CUBN: variants seen among roughly 807,000 people sequenced by gnomAD.
CUBN encodes the protein cubilin.
Under a neutral mutation model 405.3 loss-of-function variants are expected in CUBN, and 282 were observed. The ratio of observed to expected loss-of-function variants is 0.70; its 90% CI spans 0.63 to 0.77. CUBN has a LOEUF of 0.77. CUBN is among the 30% of genes least tolerant of loss of function. The probability of loss-of-function intolerance (pLI) is 0.00; values close to 1 mark genes in which losing one functional copy is unlikely to be tolerated. For missense variants in CUBN, 4,514 were observed against 4,475.2 expected, an observed-to-expected ratio of 1.01 and a Z score of -0.25; for synonymous variants, 1,684 against 1,617.0, an observed-to-expected ratio of 1.04 and a Z score of -0.99.
At chr10:16,828,240 G>T (rs1177331218) in intron 66 of CUBN, among the ~76,000 whole-genome samples, 1 of 152,168 alleles carries the variant, frequency 6.6e-6, no homozygotes, top group Non-Finnish European at 1.5e-5. Flanking sequence ...GTGGGAACTG[G>T]AAGTCTAATG....
intron 24 of CUBN, among the ~76,000 whole-genome samples, chr10:17,045,396 G>A (rs907936023): frequency 4.1e-5 from 6 of 147,602 alleles, no homozygotes; most frequent in Non-Finnish European, 8.9e-5. Context: ...GTCTCACTGG[G>A]TCACTCAGGC....
At chr10:16,898,825 G>C (rs1841271278) in intron 54 of CUBN, among the ~76,000 whole-genome samples, 171 bp downstream of exon 54, 2 of 152,072 alleles carry the variant, frequency 1.3e-5, no homozygotes. Flanking sequence ...AAGTAAGAAA[G>C]AAAAGAAATT....
chr10:16,906,993 G>A (rs2131437249), intron 49 of CUBN, among the ~76,000 whole-genome samples: 1 of 152,134 alleles, frequency 6.6e-6, no homozygotes, highest in South Asian at 2.1e-4. Flanking sequence ...ACCCAATTCA[G>A]GAAATAGGAG....
intron 14 of CUBN, among the ~76,000 whole-genome samples, chr10:17,096,647 C>T (rs1836380870): frequency 6.6e-6 from 1 of 151,682 alleles, no homozygotes; most frequent in Admixed American, 6.6e-5. Flanking sequence ...CACTATTTAC[C>T]AACTTGACTA....
At chr10:16,934,285 A>G (rs1842438721) in intron 39 of CUBN, among the ~76,000 whole-genome samples, 1 of 152,188 alleles carries the variant, frequency 6.6e-6, no homozygotes, top group African/African-American at 2.4e-5. Context: ...GATTTTAACA[A>G]TTATTTTTGC....
At chr10:16,938,695 T>C (rs1842580927) in intron 38 of CUBN, among the ~76,000 whole-genome samples, 1 of 152,142 alleles carries the variant, frequency 6.6e-6, no homozygotes, top group Non-Finnish European at 1.5e-5. Context: ...TAAATACTTA[T>C]TTAGGACATA....
intron 10 of CUBN, among the ~76,000 whole-genome samples, chr10:17,107,009 G>C (rs1471753107): frequency 6.6e-6 from 1 of 152,166 alleles, no homozygotes; most frequent in Non-Finnish European, 1.5e-5. Flanking sequence ...TCATTGCCAA[G>C]GTACAAGGTT....
At position 16,947,254 on chromosome 10, in the gene CUBN, G is replaced by T. The variant is rs1276708; in HGVS notation, c.5323C>A (p.Arg1775=). The T allele has an allele frequency of 1.2e-6, 2 of 1,613,970 alleles. No homozygotes were observed. Among genetic ancestry groups the T allele is most frequent in the African/African-American group, 2.7e-5 (2 of 74,922 alleles). ...VWNIVSSPGN[R]LQLSFISFQL... ...ATTTACATAAAAGACAGCTGGAGCCGGTTGCCAGGGGAACTGACGATGTTC... is the reference window on the plus strand; with the variant it reads ...ATTTACATAAAAGACAGCTGGAGCCTGTTGCCAGGGGAACTGACGATGTTC... The change falls in exon 36 of 67, where the codon CGG becomes AGG. Residue 1775 remains arginine (R), a synonymous_variant. Transcript: ENST00000377833.
chr10:16,925,483 A>G lies in CUBN; in HGVS notation c.6463-59T>C, dbSNP rs570235733. On this transcript the variant is annotated intron_variant, in intron 42 of 66. Coordinates refer to ENST00000377833, the MANE Select transcript of CUBN (RefSeq NM_001081.4). ...TTACATTGCAAAAGAAGGAGTACGC[A>G]ATTCTTATCCATTTATGTCCCAGGA... 17 of 1,605,394 alleles carry G rather than the reference A, an allele frequency of 1.1e-5. No homozygotes were observed. The South Asian group carries it at 1.9e-4, about 18-fold the overall frequency.
rs34859798 is a variant in CUBN, at chr10:16,893,395, CGTGTGT to C, written c.8599-2874_8599-2869del. On this transcript the variant is annotated intron_variant, in intron 54 of 66. Coordinates refer to ENST00000377833, the MANE Select transcript of CUBN (RefSeq NM_001081.4). ...TCAGTTTCCTAGTTTTACTTGAACT[CGTGTGT>C]GTGTGTGTGTGTGTGTGTGTGTATT... Among the ~76,000 whole-genome samples the C allele has an allele frequency of 2.2e-3, 326 of 150,486 alleles. 1 individual carries two copies. Among genetic ancestry groups the C allele is most frequent in the Middle Eastern group, 6.8e-3 (2 of 294 alleles).
chr10:17,005,238 C>T (rs1292796521), intron 28 of CUBN, among the ~76,000 whole-genome samples: 2 of 152,138 alleles, frequency 1.3e-5, no homozygotes, highest in East Asian at 1.9e-4. Context: ...ACTCCCTTTC[C>T]CTAGTGTTTC....
At chr10:16,928,063 G>A (rs1842243069) in intron 41 of CUBN, 94 bp downstream of exon 41, 1 of 1,420,260 alleles carries the variant, frequency 7.0e-7, no homozygotes, top group South Asian at 1.2e-5. Flanking sequence ...CTTGTGTCCT[G>A]GTGCCCAAAA....
rs547159730 is a variant in CUBN, at chr10:16,870,826, CTT to C, written c.9237-975_9237-974del. On this transcript the variant is annotated intron_variant, in intron 58 of 66. Coordinates refer to ENST00000377833, the MANE Select transcript of CUBN (RefSeq NM_001081.4). ...CCTATCCTGACAGATGCATCCCTAA[CTT>C]TTCTCTGTCTTATACAGTGTTTAAT... is the stretch of plus-strand genomic sequence containing the variant. Among the ~76,000 whole-genome samples the C allele has an allele frequency of 2.2e-4, 34 of 152,262 alleles. No homozygotes were observed. The East Asian group carries it at 6.6e-3, about 29-fold the overall frequency.
At chr10:16,842,327 C>T (rs1273554831) in intron 60 of CUBN, among the ~76,000 whole-genome samples, 10 of 152,180 alleles carry the variant, frequency 6.6e-5, no homozygotes, top group African/African-American at 2.4e-4. Flanking sequence ...GATTTCTTTT[C>T]TGCTCACTGC....
At position 16,926,912 on chromosome 10, in the gene CUBN, T is replaced by C. The variant is rs1023037501; in HGVS notation, c.6272-1138A>G. On this transcript the variant is annotated intron_variant, in intron 41 of 66. Coordinates refer to ENST00000377833, the MANE Select transcript of CUBN (RefSeq NM_001081.4). The stretch of plus-strand genomic sequence containing the variant: ...TTGCATACTGGTGAAGTCTATATTT[T>C]AGTGCACTGGTTCCCTGACTAGTAT... Among the ~76,000 whole-genome samples the C allele has an allele frequency of 4.3e-4, 65 of 152,058 alleles. 1 individual carries two copies. The highest frequency in any genetic ancestry group is 3.9e-4 in the Admixed American group (6 of 15,242).
intron 56 of CUBN, among the ~76,000 whole-genome samples, chr10:16,878,426 C>T (rs1341641942): frequency 6.6e-6 from 1 of 152,172 alleles, no homozygotes; most frequent in Non-Finnish European, 1.5e-5. Context: ...TCCCCTATTG[C>T]TTGAAATTCT....
At chr10:17,059,208 C>G (rs1240979081) in intron 22 of CUBN, among the ~76,000 whole-genome samples, 1 of 152,024 alleles carries the variant, frequency 6.6e-6, no homozygotes, top group Non-Finnish European at 1.5e-5. Flanking sequence ...TTTTCTAAAA[C>G]TCACAATGTA....
At chr10:16,878,863 G>A (rs553914575) in intron 56 of CUBN, among the ~76,000 whole-genome samples, 482 of 152,254 alleles carry the variant, frequency 3.2e-3, no homozygotes, top group African/African-American at 0.011. Flanking sequence ...TAATGTTTTT[G>A]AGTCCATCCA....
Position 16,907,549 on chromosome 10 carries a change from T to C in CUBN, c.7664A>G (p.Tyr2555Cys), listed in dbSNP as rs1229914155. The change falls in exon 49 of 67, where the codon TAT (tyrosine) becomes TGT (cysteine). Residue 2555 changes from tyrosine to cysteine, a missense_variant. Physicochemically the swap from Tyr to Cys is radical, Grantham distance 194. Around this residue, in one of 5 missense-constraint regions of CUBN, gnomAD observed 1,613 missense variants for 1,542.8 expected, o/e 1.05. Transcript: ENST00000377833. ...GGTATAGGAAGCAGTGAAGCCGCCA[T>C]ATGGCCTGGATCCATCCGTGAAAAA... ...VIFFTDGSRP[Y>C]GGFTASYTSS... The C allele has an allele frequency of 1.2e-6, 2 of 1,614,184 alleles. No individual in the cohort carries two copies. Among genetic ancestry groups the C allele is most frequent in the East Asian group, 2.2e-5 (1 of 44,870 alleles).
Sources: allele counts gnomAD v4.1 joint callset (sites outside exome capture counted in the v4.1 genomes callset), GRCh38; gene constraint gnomAD v4.1.1; regional missense constraint gnomAD v4.1.1; transcripts MANE v1.5; gene names NCBI Gene and HGNC (gene_info 2026-07-23, HGNC 2026-07-21).